MAGI2: variants seen among roughly 807,000 people sequenced by gnomAD.
The protein encoded by MAGI2 is membrane-associated guanylate kinase, WW and PDZ domain-containing protein 2.
A neutral mutation model predicts 133.3 loss-of-function variants in MAGI2; 35 were observed. The observed-to-expected ratio is 0.26, with a 90% CI of 0.20 to 0.35. The LOEUF is 0.35. Ranked by LOEUF, MAGI2 falls within the 10% of genes least tolerant of loss-of-function variation. The pLI is 1.00. For synonymous variants in MAGI2, 729 were observed against 710.6 expected (o/e 1.03, Z -0.41); for missense variants, 1,636 against 1,863.4 (o/e 0.88, Z 2.25).
intron 2 of MAGI2, among the ~76,000 whole-genome samples, chr7:78,874,377 A>G (rs1795259711): frequency 6.6e-6 from 1 of 152,194 alleles, no homozygotes; most frequent in Admixed American, 6.6e-5. Flanking sequence ...TTAGCATCTG[A>G]TAAGATATCA....
Position 79,096,720 on chromosome 7 carries a change from T to C in MAGI2, c.302-89514A>G, listed in dbSNP as rs1817552006. On this transcript the variant is annotated intron_variant, in intron 1 of 21. Transcript: ENST00000354212. ...TTAATATGATTCATCAAAATCATTT[T>C]ACCTCTAAAAAACCCTAAATAAACA... 2.6e-5 allele frequency among the ~76,000 whole-genome samples: 4 copies of C among 152,344 alleles called. No individual in the cohort carries two copies. The South Asian group carries it at 8.3e-4, about 32-fold the overall frequency.
At chr7:79,452,093 G>C (rs527522665) in intron 1 of MAGI2, among the ~76,000 whole-genome samples, 2 of 152,054 alleles carry the variant, frequency 1.3e-5, no homozygotes, top group South Asian at 2.1e-4. Flanking sequence ...GGCTGGAACC[G>C]GCCAGGGTTT....
At chr7:78,468,958 A>G (rs1790919920) in intron 6 of MAGI2, among the ~76,000 whole-genome samples, 2 of 152,182 alleles carry the variant, frequency 1.3e-5, no homozygotes, top group African/African-American at 4.8e-5. Flanking sequence ...AGATTTAAGG[A>G]AGCAATGATT....
chr7:78,980,414 G>C (rs1804675629), intron 2 of MAGI2, among the ~76,000 whole-genome samples: 1 of 151,806 alleles, frequency 6.6e-6, no homozygotes, highest in Admixed American at 6.6e-5. Flanking sequence ...GACTTTTTGT[G>C]GTACAGAGCA....
chr7:78,669,036 C>T, intron 2 of MAGI2, among the ~76,000 whole-genome samples: 1 of 152,036 alleles, frequency 6.6e-6, no homozygotes, highest in East Asian at 1.9e-4. Flanking sequence ...CAAACACATT[C>T]AAAAGCTAAC....
intron 9 of MAGI2, 55 bp downstream of exon 9, chr7:78,343,723 G>T: frequency 7.5e-7 from 1 of 1,325,214 alleles, no homozygotes; most frequent in Non-Finnish European, 9.9e-7. Flanking sequence ...CCTTATATTT[G>T]CCTTCAGAAA....
chr7:78,516,873 C>T (rs1383370214), intron 4 of MAGI2, among the ~76,000 whole-genome samples: 1 of 152,126 alleles, frequency 6.6e-6, no homozygotes, highest in African/African-American at 2.4e-5. Context: ...GGGAAAGAAA[C>T]AAAATGATAA....
chr7:78,236,027 G>GTT lies in MAGI2; in HGVS notation c.2047+19914_2047+19915dup, dbSNP rs34874243. Reference sequence around the variant, plus strand: ...TTATCTAATTCAGGTAAGACTGTATGTTTTTTTTTTTTTTTTTCTGAGTGA... The same window carrying GTT: ...TTATCTAATTCAGGTAAGACTGTATGTTTTTTTTTTTTTTTTTTTCTGAGTGA... On this transcript the variant is annotated intron_variant, in intron 10 of 21. Transcript: ENST00000354212. Among the ~76,000 whole-genome samples, 369 of 134,620 alleles carry GTT rather than the reference G, an allele frequency of 2.7e-3. 2 individuals carry two copies. Among genetic ancestry groups the GTT allele is most frequent in the African/African-American group, 9.3e-3 (335 of 36,062 alleles). 88.3% of individuals were successfully genotyped at this position (134,620 alleles called of 152,430 possible).
chr7:78,955,065 G>C (rs1445053427), intron 2 of MAGI2, among the ~76,000 whole-genome samples: 2 of 151,814 alleles, frequency 1.3e-5, no homozygotes, highest in Non-Finnish European at 2.9e-5. Flanking sequence ...AATAGCTTAT[G>C]TTCAAAAGAA....
At chr7:78,633,948 C>T (rs1331947065) in intron 2 of MAGI2, among the ~76,000 whole-genome samples, 2 of 152,108 alleles carry the variant, frequency 1.3e-5, no homozygotes, top group Non-Finnish European at 2.9e-5. Context: ...ATCTGCATTA[C>T]TTTTAAGTAA....
intron 12 of MAGI2, among the ~76,000 whole-genome samples, chr7:78,188,349 T>C (rs1455342534): frequency 1.3e-5 from 2 of 152,174 alleles, no homozygotes; most frequent in African/African-American, 4.8e-5. Context: ...TAATGCACAA[T>C]GTGATATATT....
At chr7:78,620,478 A>G (rs763776935) in intron 3 of MAGI2, among the ~76,000 whole-genome samples, 4 of 152,008 alleles carry the variant, frequency 2.6e-5, no homozygotes, top group Non-Finnish European at 4.4e-5. Flanking sequence ...TTAAATTTCT[A>G]TAGGATTTTA....
At chr7:78,978,363 A>T (rs1435250148) in intron 2 of MAGI2, among the ~76,000 whole-genome samples, 3 of 151,870 alleles carry the variant, frequency 2.0e-5, no homozygotes, top group Non-Finnish European at 2.9e-5. Context: ...ATGAAGACAC[A>T]TGAAAGACAT....
At chr7:78,732,335 G>A (rs1466546854) in intron 2 of MAGI2, among the ~76,000 whole-genome samples, 1 of 152,088 alleles carries the variant, frequency 6.6e-6, no homozygotes, top group African/African-American at 2.4e-5. Context: ...CTAAAAATCA[G>A]GACATATAGT....
At chr7:79,132,303 C>T (rs1385710812) in intron 1 of MAGI2, among the ~76,000 whole-genome samples, 1 of 152,060 alleles carries the variant, frequency 6.6e-6, no homozygotes, top group African/African-American at 2.4e-5. Flanking sequence ...TCCTCCCACT[C>T]TCCCCCTTCT....
chr7:78,196,802 A>T (rs1369952942), intron 11 of MAGI2, among the ~76,000 whole-genome samples: 4 of 152,204 alleles, frequency 2.6e-5, no homozygotes, highest in Admixed American at 2.6e-4. Context: ...TATGTGGGCT[A>T]TTGCCCAAGA....
At chr7:79,260,180 C>A (rs576985936) in intron 1 of MAGI2, among the ~76,000 whole-genome samples, 1 of 152,074 alleles carries the variant, frequency 6.6e-6, no homozygotes, top group African/African-American at 2.4e-5. Flanking sequence ...ATGGCAAAAC[C>A]CTGTCTCTAT....
At chr7:79,016,566 C>G (rs112862232) in intron 1 of MAGI2, among the ~76,000 whole-genome samples, 35 of 152,080 alleles carry the variant, frequency 2.3e-4, no homozygotes, top group African/African-American at 8.2e-4. Context: ...CTGGCACGCA[C>G]TTGTCCACAA....
chr7:78,631,715 C>G (rs953775318), intron 2 of MAGI2, among the ~76,000 whole-genome samples: 1 of 152,200 alleles, frequency 6.6e-6, no homozygotes, highest in Admixed American at 6.5e-5. Context: ...TACTACCCTC[C>G]TTTCTGGCTC....
Sources: allele counts gnomAD v4.1 joint callset (sites outside exome capture counted in the v4.1 genomes callset), GRCh38; gene constraint gnomAD v4.1.1; transcripts MANE v1.5; gene names NCBI Gene and HGNC (gene_info 2026-07-23, HGNC 2026-07-21).